The following BCAT1 variants were observed in gnomAD, a reference collection of about 807,000 sequenced individuals.
BCAT1 encodes the protein branched chain amino acid transaminase 1.
In BCAT1, 48 loss-of-function variants were observed where a neutral mutation model predicts 52.4. The observed-to-expected ratio is 0.92, with a 90% CI of 0.73 to 1.16. The LOEUF (loss-of-function observed/expected upper bound fraction) is 1.16. Among genes scored for constraint, BCAT1 ranks in the 50% most tolerant of loss-of-function variants. The pLI, the probability that BCAT1 is intolerant of heterozygous loss-of-function variation, is 0.00. For synonymous variants in BCAT1, 167 were observed against 161.3 expected (o/e 1.04, Z -0.27); for missense variants, 451 against 457.1 (o/e 0.99, Z 0.12).
intron 1 of BCAT1, among the ~76,000 whole-genome samples, chr12:24,929,241 G>A (rs538186773): frequency 6.6e-6 from 1 of 152,236 alleles, no homozygotes; most frequent in East Asian, 1.9e-4. Context: ...CCATTCTTTG[G>A]GATCCGTGTT....
chr12:24,856,125 T>C (rs1033424684), intron 5 of BCAT1, among the ~76,000 whole-genome samples: 9 of 152,240 alleles, frequency 5.9e-5, no homozygotes, highest in Non-Finnish European at 5.9e-5. Context: ...CACTGTGGAG[T>C]TCAGGTCTTA....
rs1329078278 is a variant in BCAT1, at chr12:24,881,318, C to G, written c.373G>C (p.Val125Leu). The G allele has an allele frequency of 6.2e-7, 1 of 1,611,494 alleles. No homozygotes were observed. Among genetic ancestry groups the G allele is most frequent in the Non-Finnish European group, 8.5e-7 (1 of 1,177,704 alleles). ...TTACATACCGGCAGAGTTGCCCTCA[C>G]AGCAGAGCGATACATTCTATCCATG... is the stretch of plus-strand genomic sequence containing the variant. ...LNMDRMYRSA[V>L]RATLPVFDKE... Residue 125 changes from valine to leucine, a missense_variant, in exon 4 of 11, where the codon GTG becomes CTG. Coordinates refer to ENST00000261192, the MANE Select transcript of BCAT1 (RefSeq NM_005504.7).
At chr12:24,895,481 G>A (rs941859221) in intron 2 of BCAT1, among the ~76,000 whole-genome samples, 3 of 149,712 alleles carry the variant, frequency 2.0e-5, no homozygotes, top group Admixed American at 6.7e-5. Context: ...AGTCAAGATC[G>A]CACCACTGCA....
intron 7 of BCAT1, among the ~76,000 whole-genome samples, chr12:24,839,336 C>T (rs1291145167): frequency 1.3e-5 from 2 of 152,180 alleles, no homozygotes; most frequent in South Asian, 2.1e-4. Flanking sequence ...TCCGTATACA[C>T]GCCTGACGTG....
chr12:24,861,110 T>C (rs1941837736), intron 5 of BCAT1, among the ~76,000 whole-genome samples: 1 of 152,230 alleles, frequency 6.6e-6, no homozygotes, highest in Non-Finnish European at 1.5e-5. Flanking sequence ...GAAACTATGG[T>C]ATACTTGTTA....
In BCAT1 at chr12:24,898,520, C is replaced by CTTTTTTTTTTTTTTTTTTTTTTTTTTT. The variant is rs71448094; in HGVS notation, c.78+3293_78+3294insAAAAAAAAAAAAAAAAAAAAAAAAAAA. ...TGTTTCAGCCAGGGTTCAGTCAACA[C>CTTTTTTTTTTTTTTTTTTTTTTTTTTT]TTTTTTTTTTTTTTTTTTTTTTTTT... On this transcript the variant is annotated intron_variant, in intron 2 of 10. Coordinates refer to ENST00000261192, the MANE Select transcript of BCAT1 (RefSeq NM_005504.7). 1.0e-4 allele frequency among the ~76,000 whole-genome samples: 4 copies of CTTTTTTTTTTTTTTTTTTTTTTTTTTT among 38,536 alleles called. 1 individual carries two copies. Among genetic ancestry groups the CTTTTTTTTTTTTTTTTTTTTTTTTTTT allele is most frequent in the Non-Finnish European group, 1.7e-4 (4 of 22,908 alleles). 25.3% of individuals were successfully genotyped at this position (38,536 alleles called of 152,430 possible).
intron 7 of BCAT1, 85 bp downstream of exon 7, chr12:24,841,997 C>G: frequency 6.7e-7 from 1 of 1,485,014 alleles, no homozygotes; most frequent in South Asian, 1.2e-5. Context: ...CTACTTACTC[C>G]CTTGTACTAA....
intron 1 of BCAT1, among the ~76,000 whole-genome samples, chr12:24,923,855 A>T (rs1943538862): frequency 6.6e-6 from 1 of 152,250 alleles, no homozygotes; most frequent in Non-Finnish European, 1.5e-5. Flanking sequence ...GGCAATTAAC[A>T]AATATCAGAG....
chr12:24,931,662 T>C (rs1196268074), intron 1 of BCAT1, among the ~76,000 whole-genome samples: 1 of 152,212 alleles, frequency 6.6e-6, no homozygotes, highest in African/African-American at 2.4e-5. Context: ...AAATCATTTC[T>C]AACCTAGGAT....
At chr12:24,897,503 C>A (rs1253892555) in intron 2 of BCAT1, among the ~76,000 whole-genome samples, 1 of 152,116 alleles carries the variant, frequency 6.6e-6, no homozygotes, top group Non-Finnish European at 1.5e-5. Context: ...TGAATAGCAA[C>A]CTCTAACTTT....
rs1939895267 is a variant in BCAT1, at chr12:24,816,893, T to C, written c.*1115A>G. On this transcript the variant is annotated 3_prime_UTR_variant, in exon 11 of 11. Coordinates refer to ENST00000261192, the MANE Select transcript of BCAT1 (RefSeq NM_005504.7). ...TTGTGCTCCTATGAGAATCTAATGC[T>C]GCCACTGAGCTGACAAGAGGTGGAG... The C allele has an allele frequency of 3.9e-6, 1 of 259,142 alleles. No individual in the cohort carries two copies. Among genetic ancestry groups the C allele is most frequent in the South Asian group, 1.7e-4 (1 of 5,790 alleles). 16.1% of individuals were successfully genotyped at this position (259,142 alleles called of 1,614,324 possible).
chr12:24,825,304 C>T (rs958753867), intron 10 of BCAT1, among the ~76,000 whole-genome samples: 2 of 152,020 alleles, frequency 1.3e-5, no homozygotes, highest in African/African-American at 4.8e-5. Context: ...GATATATACC[C>T]GGTGGTAGAA....
At chr12:24,879,183 A>G (rs953248407) in intron 4 of BCAT1, among the ~76,000 whole-genome samples, 2 of 152,234 alleles carry the variant, frequency 1.3e-5, no homozygotes, top group Non-Finnish European at 2.9e-5. Flanking sequence ...AAAAAAATGG[A>G]TAAAATGTGA....
At chr12:24,835,658 G>C (rs1940889317) in intron 8 of BCAT1, among the ~76,000 whole-genome samples, 1 of 151,722 alleles carries the variant, frequency 6.6e-6, no homozygotes. Context: ...CTTGATCATA[G>C]CTCACTGCGA....
chr12:24,909,933 T>A (rs1007128847), intron 1 of BCAT1, among the ~76,000 whole-genome samples: 2 of 152,120 alleles, frequency 1.3e-5, no homozygotes, highest in African/African-American at 4.8e-5. Context: ...GTCAGCCCTG[T>A]GAGTGGCTGT....
chr12:24,902,406 T>C (rs934402349), intron 1 of BCAT1: 4 of 1,084,040 alleles, frequency 3.7e-6, no homozygotes, highest in South Asian at 3.6e-5. Context: ...TTAAACCTCA[T>C]GGTATTAGTG....
chr12:24,837,618 G>T (rs1269356952), intron 7 of BCAT1, among the ~76,000 whole-genome samples: 3 of 151,738 alleles, frequency 2.0e-5, no homozygotes, highest in Non-Finnish European at 4.4e-5. Flanking sequence ...GTAGAGACGG[G>T]GTTTCACCAT....
At chr12:24,908,022 G>T (rs1042950632) in intron 1 of BCAT1, among the ~76,000 whole-genome samples, 1 of 152,120 alleles carries the variant, frequency 6.6e-6, no homozygotes, top group Admixed American at 6.6e-5. Context: ...CTGTTGAACT[G>T]CAGCTCTCTA....
rs568557729 is a variant in BCAT1 at position 24,893,361 on chromosome 12, T to C, written c.279+914A>G. Among the ~76,000 whole-genome samples the C allele has an allele frequency of 5.3e-5, 8 of 152,302 alleles. No homozygotes were observed. The East Asian group carries it at 1.3e-3, about 26-fold the overall frequency. On this transcript the variant is annotated intron_variant, in intron 3 of 10. Coordinates refer to ENST00000261192, the MANE Select transcript of BCAT1 (RefSeq NM_005504.7). ...AAGATAGATATTATAACTACCCCAATTTTATAGATAAAGAAATTAAAGCAC... is the reference window on the plus strand; with the variant it reads ...AAGATAGATATTATAACTACCCCAACTTTATAGATAAAGAAATTAAAGCAC...
Sources: allele counts gnomAD v4.1 joint callset (sites outside exome capture counted in the v4.1 genomes callset), GRCh38; gene constraint gnomAD v4.1.1; transcripts MANE v1.5; gene names NCBI Gene and HGNC (gene_info 2026-07-23, HGNC 2026-07-21).